Variants in PDE2A observed in about 807,000 individuals in gnomAD.
The protein encoded by PDE2A is cGMP-dependent 3',5'-cyclic phosphodiesterase.
PDE2A carries 53 observed loss-of-function variants against 133.6 expected under a neutral mutation model. The observed-to-expected ratio is 0.40, with a 90% CI of 0.32 to 0.50. PDE2A has a LOEUF of 0.50. Ranked by LOEUF, PDE2A falls within the 20% of genes least tolerant of loss-of-function variation. The pLI is 0.73. For synonymous variants in PDE2A, 491 were observed against 490.2 expected, an observed-to-expected ratio of 1.00 and a Z score of -0.02; for missense variants, 796 against 1,232.4, an observed-to-expected ratio of 0.65 and a Z score of 5.30.
At chr11:72,641,268 G>C (rs1008346680) in intron 2 of PDE2A, among the ~76,000 whole-genome samples, 2 of 152,192 alleles carry the variant, frequency 1.3e-5, no homozygotes, top group Non-Finnish European at 2.9e-5. Flanking sequence ...ATCGCCTGAG[G>C]GCAGCACACT....
At chr11:72,633,172 G>A (rs1213869733) in intron 2 of PDE2A, among the ~76,000 whole-genome samples, 1 of 148,164 alleles carries the variant, frequency 6.7e-6, no homozygotes, top group Non-Finnish European at 1.5e-5. Flanking sequence ...GCATTGTGGG[G>A]TCAGACCAGG....
At chr11:72,608,896 A>C in intron 2 of PDE2A, 145 bp from the exon 3 acceptor site, 17 of 623,190 alleles carry the variant, frequency 2.7e-5, no homozygotes, top group Non-Finnish European at 3.9e-5. Flanking sequence ...TTAGGATCTC[A>C]AAATCAAACA....
At chr11:72,585,672 C>A in intron 14 of PDE2A, 79 bp from the exon 15 acceptor site, 1 of 1,263,830 alleles carries the variant, frequency 7.9e-7, no homozygotes. Flanking sequence ...TCCAACAGCA[C>A]CCGGGTCTTC....
rs559637281 is a variant in PDE2A, at chr11:72,590,364, C to T, written c.703+63G>A. On this transcript the variant is annotated intron_variant, in intron 8 of 30. Transcript: ENST00000334456. This position sits in a 1 kb window ranked among gnomAD's most constrained non-coding sequence, Gnocchi z 4.8. ...CCGGCTCCCGGGATCGCCTAACCCG[C>T]CCACCTCCCCTCCAAGTTCTGCCCG... 2.2e-5 allele frequency: 34 copies of T among 1,547,630 alleles called. 1 individual carries two copies. In the South Asian group the frequency reaches 3.6e-4, roughly 16 times the overall value.
intron 1 of PDE2A, among the ~76,000 whole-genome samples, chr11:72,650,746 G>T (rs1187990650): frequency 6.6e-6 from 1 of 152,142 alleles, no homozygotes; most frequent in East Asian, 1.9e-4. Context: ...CCAGAGCCCT[G>T]CCCTGTACCA....
chr11:72,620,848 C>G (rs540556207), intron 2 of PDE2A, among the ~76,000 whole-genome samples: 7 of 151,512 alleles, frequency 4.6e-5, no homozygotes, highest in Admixed American at 3.3e-4. Flanking sequence ...CTGACAACAC[C>G]AAGCAGGGGA....
chr11:72,636,977 C>G (rs946283895), intron 2 of PDE2A, among the ~76,000 whole-genome samples: 33 of 152,236 alleles, frequency 2.2e-4, no homozygotes, highest in Admixed American at 3.3e-4. Context: ...GTCCCCATCC[C>G]CCCGGACCCA....
Position 72,619,673 on chromosome 11 carries a change from G to A in PDE2A, c.145-10922C>T, listed in dbSNP as rs570445088. Among the ~76,000 whole-genome samples, 10 of 152,260 alleles carry A rather than the reference G, an allele frequency of 6.6e-5. 1 individual carries two copies. Among genetic ancestry groups the A allele is most frequent in the African/African-American group, 1.7e-4 (7 of 41,528 alleles). ...TGGCTGTCTGGGGTGCTGTGAATGC[G>A]CTGGTGGTTAGTCTTGTCTCCAAAT... On this transcript the variant is annotated intron_variant, in intron 2 of 30. Coordinates refer to ENST00000334456, the MANE Select transcript of PDE2A (RefSeq NM_002599.5).
In PDE2A at chr11:72,585,439, G is replaced by T. The variant is rs1356460771; in HGVS notation, c.1223-5C>A. 2 of 1,613,988 alleles carry T rather than the reference G, an allele frequency of 1.2e-6. No individual in the cohort carries two copies. Among genetic ancestry groups the T allele is most frequent in the Admixed American group, 3.3e-5 (2 of 60,008 alleles). On this transcript the variant is annotated splice_region_variant and splice_polypyrimidine_tract_variant and intron_variant, in intron 15 of 30. Transcript: ENST00000334456. The stretch of plus-strand genomic sequence containing the variant: ...GGAGCAGGACAGAGACGTCATCTGG[G>T]GAAGGGAGAAGACCAGGCAGGGTGA...
At chr11:72,585,470 G>C in intron 15 of PDE2A, 36 bp from the exon 16 acceptor site, 1 of 1,610,410 alleles carries the variant, frequency 6.2e-7, no homozygotes, top group Non-Finnish European at 8.5e-7. Flanking sequence ...GGTGAGACCA[G>C]GCTGCCAAGA....
At chr11:72,666,306 C>T (rs1482500064) in intron 1 of PDE2A, among the ~76,000 whole-genome samples, 1 of 152,190 alleles carries the variant, frequency 6.6e-6, no homozygotes, top group East Asian at 1.9e-4. Flanking sequence ...TTAATCACTG[C>T]ACCTCTCTGA....
chr11:72,630,295 C>T (rs11821068), intron 2 of PDE2A, among the ~76,000 whole-genome samples: 2,871 of 152,228 alleles, frequency 0.019, 73 homozygotes, highest in African/African-American at 0.066. Flanking sequence ...CATACAGAGT[C>T]ACGTGATGGA....
intron 6 of PDE2A, among the ~76,000 whole-genome samples, chr11:72,595,063 CACACAT>C (rs1432979721): frequency 3.3e-5 from 5 of 151,996 alleles, no homozygotes; most frequent in Non-Finnish European, 5.9e-5. Flanking sequence ...CACACACACA[CACACAT>C]TGGCCTCTGG....
rs778757501 is a variant in PDE2A at position 72,590,380 on chromosome 11, G to A, written c.703+47C>T. On this transcript the variant is annotated intron_variant, in intron 8 of 30. Coordinates refer to ENST00000334456, the MANE Select transcript of PDE2A (RefSeq NM_002599.5). The surrounding 1 kb of genome is among the most constrained non-coding windows in gnomAD (Gnocchi z 4.8). ...CCTAACCCGCCCACCTCCCCTCCAAGTTCTGCCCGGCCCCGCCCTCGTGAC... is the reference window on the plus strand; with the variant it reads ...CCTAACCCGCCCACCTCCCCTCCAAATTCTGCCCGGCCCCGCCCTCGTGAC... 1.0e-5 allele frequency: 16 copies of A among 1,567,092 alleles called. 1 individual carries two copies. The South Asian group carries it at 1.6e-4, about 16-fold the overall frequency.
At chr11:72,598,272 A>T (rs1856577377) in intron 4 of PDE2A, among the ~76,000 whole-genome samples, 1 of 152,232 alleles carries the variant, frequency 6.6e-6, no homozygotes. Flanking sequence ...ATTTGAACCC[A>T]GGTAGGTGGC....
intron 2 of PDE2A, among the ~76,000 whole-genome samples, chr11:72,630,579 A>C (rs1451595668): frequency 8.5e-6 from 1 of 117,474 alleles, no homozygotes; most frequent in African/African-American, 3.3e-5. Context: ...TGGAGGGGGC[A>C]TGGGGGTGGG....
At chr11:72,620,913 C>T (rs1205595879) in intron 2 of PDE2A, among the ~76,000 whole-genome samples, 3 of 151,980 alleles carry the variant, frequency 2.0e-5, no homozygotes, top group Admixed American at 1.3e-4. Flanking sequence ...GGACACCTCA[C>T]TCAGCGCACC....
At chr11:72,581,265 C>G (rs1218350505) in intron 23 of PDE2A, 92 bp downstream of exon 23, 1 of 1,280,850 alleles carries the variant, frequency 7.8e-7, no homozygotes, top group Non-Finnish European at 1.1e-6. Flanking sequence ...TGAGGCAGTG[C>G]GTGTAAAGTG....
chr11:72,602,366 C>T (rs1479266031), intron 4 of PDE2A, among the ~76,000 whole-genome samples: 1 of 152,190 alleles, frequency 6.6e-6, no homozygotes, highest in African/African-American at 2.4e-5. Flanking sequence ...CTGCCCATTG[C>T]CTCGGGCCTC....
Sources: allele counts gnomAD v4.1 joint callset (sites outside exome capture counted in the v4.1 genomes callset), GRCh38; gene constraint gnomAD v4.1.1; non-coding constraint Gnocchi (gnomAD v3.1); transcripts MANE v1.5; gene names NCBI Gene and HGNC (gene_info 2026-07-23, HGNC 2026-07-21).